NREP: variants seen among roughly 807,000 people sequenced by gnomAD.
NREP encodes the protein neuronal regeneration related protein.
A neutral mutation model predicts 8.6 loss-of-function variants in NREP; 5 were observed. The ratio of observed to expected loss-of-function variants is 0.58; its 90% CI spans 0.30 to 1.22. The LOEUF (loss-of-function observed/expected upper bound fraction) is 1.22, where lower values mean the gene tolerates loss of function less well. NREP is among the 50% of genes most tolerant of loss of function. The pLI is 0.07. For missense variants in NREP, 86 were observed against 82.5 expected, an observed-to-expected ratio of 1.04 and a Z score of -0.17; for synonymous variants, 27 against 28.0, an observed-to-expected ratio of 0.96 and a Z score of 0.11.
Position 111,729,662 on chromosome 5 carries a change from C to CAGTT in NREP, c.*1255_*1258dup, listed in dbSNP as rs538319377. 6.5e-3 allele frequency: 988 copies of CAGTT among 152,700 alleles called. 7 individuals are homozygous for CAGTT. Among genetic ancestry groups the CAGTT allele is most frequent in the Non-Finnish European group, 7.5e-3 (513 of 68,028 alleles). The allele number at this position is 152,700 out of a possible 1,614,324, so 9.5% of individuals were successfully genotyped here. ...GCCCTGTCAAAAGAAGAGCTAAAGA[C>CAGTT]AGTTATATAAAAATTAAGGTGGGCT... On this transcript the variant is annotated 3_prime_UTR_variant, in exon 4 of 4. Transcript: ENST00000257435.
At chr5:111,919,495 T>C (rs1251029531) in intron 2 of NREP, among the ~76,000 whole-genome samples, 1 of 152,086 alleles carries the variant, frequency 6.6e-6, no homozygotes, top group Non-Finnish European at 1.5e-5. Context: ...AATGATAGAC[T>C]GGATAAAGAA....
At chr5:111,746,977 T>C (rs973814956) in intron 2 of NREP, among the ~76,000 whole-genome samples, 33 of 152,276 alleles carry the variant, frequency 2.2e-4, no homozygotes, top group African/African-American at 7.2e-4. Context: ...ATGTGCTGCC[T>C]AACCCACATG....
chr5:111,918,680 C>T (rs1026513951), intron 2 of NREP, among the ~76,000 whole-genome samples: 63 of 152,134 alleles, frequency 4.1e-4, no homozygotes, highest in African/African-American at 1.5e-3. Flanking sequence ...GAAACTAGAC[C>T]CCTTCCTTAT....
At chr5:111,945,355 A>C (rs993173293) in intron 2 of NREP, among the ~76,000 whole-genome samples, 3 of 151,800 alleles carry the variant, frequency 2.0e-5, no homozygotes, top group African/African-American at 7.3e-5. Context: ...ATATGTATAC[A>C]TGTGCCATGT....
At chr5:111,735,229 A>G in intron 3 of NREP, 1 of 439,514 alleles carries the variant, frequency 2.3e-6, no homozygotes, top group Non-Finnish European at 4.1e-6. Flanking sequence ...TCATTTATGA[A>G]GGAAGATAAT....
intron 2 of NREP, among the ~76,000 whole-genome samples, chr5:111,893,822 T>A (rs1309443548): frequency 1.3e-5 from 2 of 151,846 alleles, no homozygotes; most frequent in African/African-American, 4.8e-5. Context: ...AACTGTATGA[T>A]GTGTATAGGA....
At chr5:111,877,355 A>G (rs562454449) in intron 2 of NREP, among the ~76,000 whole-genome samples, 2 of 152,216 alleles carry the variant, frequency 1.3e-5, no homozygotes, top group African/African-American at 4.8e-5. Flanking sequence ...TGTTATTCAC[A>G]CTCATGAAAA....
At chr5:111,736,678 G>C (rs1749152051) in intron 2 of NREP, among the ~76,000 whole-genome samples, 1 of 152,108 alleles carries the variant, frequency 6.6e-6, no homozygotes, top group Non-Finnish European at 1.5e-5. Flanking sequence ...TAATTGAACA[G>C]TAACTAACTA....
intron 2 of NREP, among the ~76,000 whole-genome samples, chr5:111,863,734 A>G (rs1056064895): frequency 6.6e-6 from 1 of 152,184 alleles, no homozygotes. Flanking sequence ...GTTGAATAAC[A>G]TAAAGACCTT....
At chr5:111,894,323 A>G (rs1191701911) in intron 2 of NREP, among the ~76,000 whole-genome samples, 2 of 152,148 alleles carry the variant, frequency 1.3e-5, no homozygotes, top group African/African-American at 4.8e-5. Context: ...TTAAGTGGCT[A>G]TATTTATAAT....
chr5:111,737,956 G>A (rs1561634535), intron 2 of NREP, among the ~76,000 whole-genome samples: 1 of 151,954 alleles, frequency 6.6e-6, no homozygotes, highest in African/African-American at 2.4e-5. Flanking sequence ...AATGAACGTT[G>A]CTTTGGCCTT....
chr5:111,885,516 A>T (rs1754218714), intron 2 of NREP, among the ~76,000 whole-genome samples: 1 of 151,694 alleles, frequency 6.6e-6, no homozygotes, highest in Admixed American at 6.6e-5. Context: ...CTGCATCACC[A>T]AGTCCTAAGC....
intron 2 of NREP, among the ~76,000 whole-genome samples, chr5:111,825,355 G>A (rs1468213281): frequency 2.6e-5 from 4 of 152,140 alleles, no homozygotes; most frequent in Non-Finnish European, 1.5e-5. Context: ...TGGGAGAATA[G>A]GACAGGTCCA....
In NREP at chr5:111,882,348, G is replaced by A. The variant is rs138995493; in HGVS notation, c.135+92926C>T. ...GACTATGTGAAAAGACTGAATCTAC[G>A]TCTGATTGGTGTACCTGAAAGTGAC... On this transcript the variant is annotated intron_variant, in intron 2 of 3. Transcript: ENST00000395634. 2.6e-3 allele frequency among the ~76,000 whole-genome samples: 401 copies of A among 152,294 alleles called. 3 individuals carry two copies. Among genetic ancestry groups the A allele is most frequent in the African/African-American group, 8.8e-3 (367 of 41,562 alleles).
intron 1 of NREP, 71 bp from the exon 2 acceptor site, chr5:111,755,901 A>C: frequency 6.3e-7 from 1 of 1,584,046 alleles, no homozygotes; most frequent in East Asian, 2.3e-5. Context: ...ATGCCTCTTT[A>C]GAGGTTACAG....
At position 111,883,215 on chromosome 5, in the gene NREP, CAA is replaced by C. The variant is rs529229000; in HGVS notation, c.135+92057_135+92058del. Among the ~76,000 whole-genome samples the C allele has an allele frequency of 5.2e-3, 788 of 152,258 alleles. 4 individuals carry two copies. Among genetic ancestry groups the C allele is most frequent in the Non-Finnish European group, 9.0e-3 (611 of 68,028 alleles). ...AAACAGACTTTAAACCAGCAAAGAT[CAA>C]AAGAGACAAAGCCATTACATAATGG... is the stretch of plus-strand genomic sequence containing the variant. On this transcript the variant is annotated intron_variant, in intron 2 of 3. Coordinates refer to the NREP transcript ENST00000395634.
chr5:111,953,696 T>G (rs1429559234), intron 2 of NREP, among the ~76,000 whole-genome samples: 1 of 151,856 alleles, frequency 6.6e-6, no homozygotes, highest in African/African-American at 2.4e-5. Context: ...CCAGGAAGAA[T>G]AGAACAGGGA....
rs148507928 is a variant in NREP at position 111,934,225 on chromosome 5, C to T, written c.135+41049G>A. Among the ~76,000 whole-genome samples the T allele has an allele frequency of 2.0e-5, 3 of 152,090 alleles. No homozygotes were observed. In the East Asian group the frequency reaches 5.8e-4, roughly 30 times the overall value. On this transcript the variant is annotated intron_variant, in intron 2 of 3. Transcript: ENST00000395634. ...ATACTCTCCAGGTGAGAGAGAGTTC[C>T]ATTGCGGGCATACGTTGGGTTATAA...
At position 111,971,881 on chromosome 5, in the gene NREP, A is replaced by C. The variant is rs997639313; in HGVS notation, c.135+3393T>G. On this transcript the variant is annotated intron_variant, in intron 2 of 3. Transcript: ENST00000395634. ...TGAAAGCGTGGGCAGCCAAAGCAAAAATAGACAAAAAAGGAGTATATCAAA... is the reference window on the plus strand; with the variant it reads ...TGAAAGCGTGGGCAGCCAAAGCAAACATAGACAAAAAAGGAGTATATCAAA... 3.9e-5 allele frequency among the ~76,000 whole-genome samples: 6 copies of C among 152,174 alleles called. No individual in the cohort carries two copies. In the East Asian group the frequency reaches 1.2e-3, roughly 29 times the overall value.
Sources: gnomAD v4.1 joint callset for allele counts (sites outside exome capture counted in the v4.1 genomes callset) on GRCh38, gnomAD v4.1.1 for gene constraint, MANE v1.5 for transcripts, NCBI Gene and HGNC (gene_info 2026-07-23, HGNC 2026-07-21) for gene names.